The following RAD51AP1 variants were observed in gnomAD, a reference collection of about 807,000 sequenced individuals.
The protein encoded by RAD51AP1 is RAD51 associated protein 1.
RAD51AP1 carries 14 observed loss-of-function variants against 34.3 expected under a neutral mutation model. The ratio of observed to expected loss-of-function variants is 0.41; its 90% confidence interval spans 0.27 to 0.64. The LOEUF is 0.64. Ranked by LOEUF, RAD51AP1 falls within the 30% of genes least tolerant of loss-of-function variation. The pLI is 0.33. For synonymous variants in RAD51AP1, 114 were observed against 129.8 expected (o/e 0.88, Z 0.83); for missense variants, 348 against 386.9 (o/e 0.90, Z 0.84).
intron 7 of RAD51AP1, 35 bp from the exon 8 acceptor site, chr12:4,556,318 A>C (rs778100034): frequency 6.6e-7 from 1 of 1,522,330 alleles, no homozygotes; most frequent in Non-Finnish European, 9.1e-7. Context: ...TTCTTCCTGC[A>C]TGACAAACAT....
chr12:4,556,609 A>G, intron 8 of RAD51AP1, 107 bp downstream of exon 8: 3 of 1,333,182 alleles, frequency 2.3e-6, no homozygotes, highest in Non-Finnish European at 3.1e-6. Flanking sequence ...ATTATTACAT[A>G]TTCTTCAAAA....
At chr12:4,554,233 C>T (rs1944567110) in intron 7 of RAD51AP1, among the ~76,000 whole-genome samples, 1 of 152,108 alleles carries the variant, frequency 6.6e-6, no homozygotes, top group African/African-American at 2.4e-5. Flanking sequence ...GCTTGTGGCC[C>T]CTTCCACCTT....
chr12:4,539,998 A>C (rs1317393064), intron 1 of RAD51AP1, among the ~76,000 whole-genome samples: 1 of 152,166 alleles, frequency 6.6e-6, no homozygotes. Context: ...GTATTATATC[A>C]TTGGAGAGCG....
chr12:4,541,943 G>C lies in RAD51AP1; in HGVS notation c.67+10G>C, dbSNP rs199522662. ...CACTCTGACAGTGATGGTAAGTAAA[G>C]CTTCTTATTTTTGTTCTAAAGATTT... On this transcript the variant is annotated intron_variant, in intron 2 of 8. Transcript: ENST00000352618. The C allele has an allele frequency of 1.3e-6, 2 of 1,499,466 alleles. No homozygotes were observed. Among genetic ancestry groups the C allele is most frequent in the East Asian group, 2.5e-5 (1 of 40,142 alleles). The allele number at this position is 1,499,466 out of a possible 1,614,324, so 92.9% of individuals were successfully genotyped here.
intron 2 of RAD51AP1, 45 bp downstream of exon 2, chr12:4,541,978 T>C: frequency 7.7e-7 from 1 of 1,304,604 alleles, no homozygotes; most frequent in Non-Finnish European, 1.0e-6. Flanking sequence ...TGGAAACTCA[T>C]TTCCTCGGAA....
At chr12:4,556,904 T>C (rs1944586849) in intron 8 of RAD51AP1, among the ~76,000 whole-genome samples, 1 of 152,230 alleles carries the variant, frequency 6.6e-6, no homozygotes, top group Non-Finnish European at 1.5e-5. Context: ...GACTGAAGCC[T>C]TGGGATCTAT....
Position 4,559,162 on chromosome 12 carries a change from C to A in RAD51AP1, c.*169C>A. 2 of 701,634 alleles carry A rather than the reference C, an allele frequency of 2.9e-6. No individual in the cohort carries two copies. The highest frequency in any genetic ancestry group is 4.4e-6 in the Non-Finnish European group (2 of 449,628). 43.5% of individuals were successfully genotyped at this position (701,634 alleles called of 1,614,324 possible). On this transcript the variant is annotated 3_prime_UTR_variant, in exon 9 of 9. Coordinates refer to ENST00000352618, the MANE Select transcript of RAD51AP1 (RefSeq NM_006479.5). Reference sequence around the variant, plus strand: ...TGATTATGTTCTCTGTAAAACTCTTCAAGACTTCAATGAGAAGTTTGTTTA... The same window carrying A: ...TGATTATGTTCTCTGTAAAACTCTTAAAGACTTCAATGAGAAGTTTGTTTA...
At chr12:4,545,849 A>G in intron 3 of RAD51AP1, 1 of 1,609,026 alleles carries the variant, frequency 6.2e-7, no homozygotes, top group Non-Finnish European at 8.5e-7. Context: ...GCTTGGTAAA[A>G]TATTTGTTAA....
Position 4,545,940 on chromosome 12 carries a change from G to C in RAD51AP1, c.210-369G>C. On this transcript the variant is annotated intron_variant, in intron 3 of 8. Transcript: ENST00000352618. The stretch of plus-strand genomic sequence containing the variant: ...AAGAGCTATAAAATCTGCTAAAGGG[G>C]AGTGGGTGAGGTCAAGGAAGAGTTT... 7 of 1,311,148 alleles carry C rather than the reference G, an allele frequency of 5.3e-6. No individual in the cohort carries two copies. In the East Asian group the frequency reaches 1.4e-4, roughly 26 times the overall value. The allele number at this position is 1,311,148 out of a possible 1,614,324, so 81.2% of individuals were successfully genotyped here. A position where few individuals can be genotyped will look rare whatever the true frequency, so the allele number is the denominator to read the frequency against.
intron 1 of RAD51AP1, among the ~76,000 whole-genome samples, chr12:4,541,622 T>A (rs1405129603): frequency 6.6e-6 from 1 of 152,164 alleles, no homozygotes; most frequent in African/African-American, 2.4e-5. Context: ...TCAGGTATAG[T>A]TGTAACTATT....
intron 7 of RAD51AP1, 40 bp from the exon 8 acceptor site, chr12:4,556,313 C>T (rs1287836880): frequency 1.4e-6 from 2 of 1,471,242 alleles, no homozygotes; most frequent in East Asian, 2.3e-5. Flanking sequence ...ACTTTTTCTT[C>T]CTGCATGACA....
intron 4 of RAD51AP1, 132 bp downstream of exon 4, chr12:4,546,550 A>G (rs1944507857): frequency 1.7e-6 from 1 of 582,090 alleles, no homozygotes. Flanking sequence ...CCATTTGCAG[A>G]GAATACGATT....
intron 1 of RAD51AP1, among the ~76,000 whole-genome samples, chr12:4,541,353 G>A (rs760230254): frequency 2.5e-4 from 38 of 152,096 alleles, no homozygotes; most frequent in African/African-American, 1.7e-4. Context: ...TTAAGTGTCC[G>A]TTGCATAAAA....
At chr12:4,558,072 C>T (rs965841388) in intron 8 of RAD51AP1, among the ~76,000 whole-genome samples, 2 of 151,348 alleles carry the variant, frequency 1.3e-5, no homozygotes, top group African/African-American at 2.4e-5. Context: ...CTATCTTATA[C>T]AACTGGAGAA....
Position 4,559,129 on chromosome 12 carries a change from C to T in RAD51AP1, c.*136C>T. The T allele has an allele frequency of 9.5e-6, 10 of 1,053,840 alleles. No homozygotes were observed. The highest frequency in any genetic ancestry group is 1.4e-5 in the Non-Finnish European group (10 of 738,968). The allele number at this position is 1,053,840 out of a possible 1,614,324, so 65.3% of individuals were successfully genotyped here. On this transcript the variant is annotated 3_prime_UTR_variant, in exon 9 of 9. Coordinates refer to ENST00000352618, the MANE Select transcript of RAD51AP1 (RefSeq NM_006479.5). ...ACCATGTCCTATAAATGACCTCTAG[C>T]CATTTTATGATTATGTTCTCTGTAA... is the stretch of plus-strand genomic sequence containing the variant.
At chr12:4,542,121 G>A (rs577157147) in intron 2 of RAD51AP1, among the ~76,000 whole-genome samples, 188 bp downstream of exon 2, 2 of 152,262 alleles carry the variant, frequency 1.3e-5, no homozygotes, top group Admixed American at 1.3e-4. Context: ...ATGTTAGTAG[G>A]TGATAAATGA....
At chr12:4,548,384 G>A (rs1944522222) in intron 5 of RAD51AP1, among the ~76,000 whole-genome samples, 1 of 152,162 alleles carries the variant, frequency 6.6e-6, no homozygotes. Context: ...ACTACCCGTG[G>A]CTTCTAGTTG....
At chr12:4,552,650 T>TA (rs1227619416) in intron 6 of RAD51AP1, among the ~76,000 whole-genome samples, 3 of 152,250 alleles carry the variant, frequency 2.0e-5, no homozygotes, top group African/African-American at 7.2e-5. Flanking sequence ...GTGATGGTGG[T>TA]AATAGCAAAC....
chr12:4,545,518 A>G (rs1307627802), intron 3 of RAD51AP1, among the ~76,000 whole-genome samples: 2 of 152,192 alleles, frequency 1.3e-5, no homozygotes, highest in African/African-American at 4.8e-5. Flanking sequence ...TGTACTAAAA[A>G]CTGCTGAATT....
Sources: allele counts gnomAD v4.1 joint callset (sites outside exome capture counted in the v4.1 genomes callset), GRCh38; gene constraint gnomAD v4.1.1; transcripts MANE v1.5; gene names NCBI Gene and HGNC (gene_info 2026-07-23, HGNC 2026-07-21).